Variants in PGM2L1 observed in about 807,000 individuals in gnomAD.
PGM2L1 encodes glucose 1,6-bisphosphate synthase.
In PGM2L1, 35 loss-of-function variants were observed where a neutral mutation model predicts 73.4. The ratio of observed to expected loss-of-function variants is 0.48; its 90% CI spans 0.36 to 0.63. The LOEUF (loss-of-function observed/expected upper bound fraction) is 0.63, where lower values mean the gene tolerates loss of function less well. Among genes scored for constraint, PGM2L1 ranks in the 30% least tolerant of loss-of-function variants. PGM2L1 has a pLI of 0.00. For missense variants in PGM2L1, 570 were observed against 742.0 expected, an observed-to-expected ratio of 0.77 and a Z score of 2.69; for synonymous variants, 225 against 253.8, an observed-to-expected ratio of 0.89 and a Z score of 1.08.
In PGM2L1 at chr11:74,343,389, C is replaced by G. The variant is rs778862582; in HGVS notation, c.1246G>C (p.Gly416Arg). 9.9e-6 allele frequency: 16 copies of G among 1,608,902 alleles called. No homozygotes were observed. Among genetic ancestry groups the G allele is most frequent in the Non-Finnish European group, 1.4e-5 (16 of 1,178,676 alleles). The stretch of plus-strand genomic sequence containing the variant: ...TCCAGGAGGTCTATTATCCTACTTC[C>G]AATCCATTTAAAACCTGGTAATGTT... ...EETLPGFKWI[G>R]SRIIDLLENG... The change falls in exon 10 of 14, where the codon GGA (glycine) becomes CGA (arginine). Residue 416 changes from glycine to arginine, a missense_variant. Transcript: ENST00000298198.
chr11:74,352,355 G>T (rs1862371262), intron 5 of PGM2L1, among the ~76,000 whole-genome samples: 1 of 152,040 alleles, frequency 6.6e-6, no homozygotes, highest in Non-Finnish European at 1.5e-5. Context: ...TTATAAAGTA[G>T]AATTTATATC....
intron 8 of PGM2L1, 121 bp downstream of exon 8, chr11:74,346,611 G>T: frequency 1.4e-6 from 1 of 717,566 alleles, no homozygotes; most frequent in Non-Finnish European, 2.3e-6. Context: ...TTGGGATAAT[G>T]GATTTACAGG....
chr11:74,385,336 T>C (rs887987318), intron 1 of PGM2L1, among the ~76,000 whole-genome samples: 2 of 152,242 alleles, frequency 1.3e-5, no homozygotes, highest in African/African-American at 4.8e-5. Flanking sequence ...TGCTCTATTA[T>C]ATATGGCACA....
intron 5 of PGM2L1, among the ~76,000 whole-genome samples, chr11:74,352,003 A>C (rs2134897912): frequency 6.6e-6 from 1 of 151,838 alleles, no homozygotes; most frequent in East Asian, 1.9e-4. Flanking sequence ...AATAAAGCAT[A>C]TCAAATTGAT....
At position 74,342,572 on chromosome 11, in the gene PGM2L1, A is replaced by G; in HGVS notation, c.1521T>C (p.Leu507=). Residue 507 remains leucine (L), a synonymous_variant, in exon 12 of 14, where the codon CTT becomes CTC. Transcript: ENST00000298198. ...PPTIKSIFER[L]RNFDSPKEYP... is the part of the protein sequence containing the mutation. ...ATTCTTTTGGAGAATCAAAATTACG[A>G]AGCCTTTCAAATATACTTTTGATGG... 6.2e-7 allele frequency: 1 copy of G among 1,607,186 alleles called. No individual in the cohort carries two copies. The highest frequency in any genetic ancestry group is 8.5e-7 in the Non-Finnish European group (1 of 1,175,654).
rs749455842 is a variant in PGM2L1 at position 74,336,644 on chromosome 11, G to C, written c.*8C>G. 5 of 1,578,074 alleles carry C rather than the reference G, an allele frequency of 3.2e-6. No individual in the cohort carries two copies. In the Admixed American group the frequency reaches 6.9e-5, roughly 22 times the overall value. ...GCCCACACAGTGTCATGACATATTGGTGTACCCCTAAACAGAACGCCAGAT... is the reference window on the plus strand; with the variant it reads ...GCCCACACAGTGTCATGACATATTGCTGTACCCCTAAACAGAACGCCAGAT... On this transcript the variant is annotated 3_prime_UTR_variant, in exon 14 of 14. Coordinates refer to ENST00000298198, the MANE Select transcript of PGM2L1 (RefSeq NM_173582.6).
chr11:74,350,775 G>A (rs912644541), intron 6 of PGM2L1, among the ~76,000 whole-genome samples: 2 of 152,190 alleles, frequency 1.3e-5, no homozygotes, highest in Admixed American at 6.5e-5. Context: ...TACTTCGGAG[G>A]CTGAGGCAGG....
At position 74,332,762 on chromosome 11, in the gene PGM2L1, G is replaced by A. The variant is rs946210512; in HGVS notation, c.*3890C>T. ...AAGCAACTTGCTTAAGAAATGGGAG[G>A]TCTATTTCCTATATAAAGACATTCC... On this transcript the variant is annotated 3_prime_UTR_variant, in exon 14 of 14. Coordinates refer to ENST00000298198, the MANE Select transcript of PGM2L1 (RefSeq NM_173582.6). The A allele has an allele frequency of 2.6e-5, 4 of 152,330 alleles. No homozygotes were observed. Among genetic ancestry groups the A allele is most frequent in the African/African-American group, 9.7e-5 (4 of 41,424 alleles). 9.4% of individuals were successfully genotyped at this position (152,330 alleles called of 1,614,324 possible).
intron 1 of PGM2L1, among the ~76,000 whole-genome samples, chr11:74,380,601 G>A (rs1295240665): frequency 6.6e-6 from 1 of 151,794 alleles, no homozygotes; most frequent in Non-Finnish European, 1.5e-5. Context: ...TATCATTTAA[G>A]AATATTAGAT....
chr11:74,362,255 A>T (rs1413055192), intron 5 of PGM2L1, among the ~76,000 whole-genome samples: 1 of 152,204 alleles, frequency 6.6e-6, no homozygotes, highest in Admixed American at 6.5e-5. Context: ...AACATTCTTT[A>T]AAAAAGAATT....
chr11:74,386,922 A>G (rs1863026097), intron 1 of PGM2L1, among the ~76,000 whole-genome samples: 1 of 152,238 alleles, frequency 6.6e-6, no homozygotes, highest in Non-Finnish European at 1.5e-5. Context: ...AGAGGTGGGC[A>G]TGTGAATTTA....
intron 5 of PGM2L1, chr11:74,355,703 A>G: frequency 1.9e-6 from 1 of 514,784 alleles, no homozygotes; most frequent in Non-Finnish European, 3.9e-6. Flanking sequence ...AGCAGTAGCT[A>G]TGGCAGCAGC....
intron 7 of PGM2L1, 142 bp from the exon 8 acceptor site, chr11:74,346,971 A>G: frequency 1.1e-6 from 1 of 944,630 alleles, no homozygotes; most frequent in Non-Finnish European, 1.6e-6. Flanking sequence ...AGCCAAAAGT[A>G]GGGACACCCA....
intron 1 of PGM2L1, among the ~76,000 whole-genome samples, chr11:74,382,420 A>G (rs1862960551): frequency 6.6e-6 from 1 of 152,240 alleles, no homozygotes; most frequent in Admixed American, 6.5e-5. Flanking sequence ...AAGCAAGCCA[A>G]GTGGAAGTCA....
Position 74,338,524 on chromosome 11 carries a change from A to T in PGM2L1, c.1710T>A (p.Ser570Arg). The change falls in exon 13 of 14, where the codon AGT becomes AGA. Residue 570 changes from serine (S) to arginine (R), a missense_variant. Coordinates refer to ENST00000298198, the MANE Select transcript of PGM2L1 (RefSeq NM_173582.6). The part of the protein sequence containing the change: ...QNGCVATLRT[S>R]GTEPKIKYYA... The stretch of plus-strand genomic sequence containing the variant: ...AATACTTTATCTTTGGTTCTGTTCC[A>T]CTTGTCCGAAGGGTAGCAACACAGC... The T allele has an allele frequency of 6.2e-7, 1 of 1,603,820 alleles. No individual in the cohort carries two copies. The highest frequency in any genetic ancestry group is 8.5e-7 in the Non-Finnish European group (1 of 1,172,468).
At chr11:74,359,501 CTATA>C (rs1862518948) in intron 5 of PGM2L1, among the ~76,000 whole-genome samples, 1 of 151,300 alleles carries the variant, frequency 6.6e-6, no homozygotes, top group Non-Finnish European at 1.5e-5. Flanking sequence ...CACATATTGA[CTATA>C]TATACACATG....
chr11:74,383,348 T>TA (rs751151082), intron 1 of PGM2L1, among the ~76,000 whole-genome samples: 7 of 150,870 alleles, frequency 4.6e-5, no homozygotes, highest in South Asian at 2.1e-4. Flanking sequence ...AAAATAAAAC[T>TA]AAAAAAAAAT....
intron 5 of PGM2L1, among the ~76,000 whole-genome samples, chr11:74,357,634 A>C (rs1862479506): frequency 6.6e-6 from 1 of 152,202 alleles, no homozygotes; most frequent in Non-Finnish European, 1.5e-5. Context: ...TTACAAAACT[A>C]AACATACTCT....
Position 74,343,317 on chromosome 11 carries a change from A to G in PGM2L1, c.1312+6T>C, listed in dbSNP as rs1482130565. The G allele has an allele frequency of 1.9e-6, 3 of 1,581,334 alleles. No homozygotes were observed. The highest frequency in any genetic ancestry group is 2.6e-6 in the Non-Finnish European group (3 of 1,172,310). ...AATTTTGAAGATTTTAATATTTACTACATACCAATAGACTCTTCAAATGCA... is the reference window on the plus strand; with the variant it reads ...AATTTTGAAGATTTTAATATTTACTGCATACCAATAGACTCTTCAAATGCA... On this transcript the variant is annotated splice_donor_region_variant and intron_variant, in intron 10 of 13. Transcript: ENST00000298198.
Sources: gnomAD v4.1 joint callset for allele counts (sites outside exome capture counted in the v4.1 genomes callset) on GRCh38, gnomAD v4.1.1 for gene constraint, MANE v1.5 for transcripts, NCBI Gene and HGNC (gene_info 2026-07-23, HGNC 2026-07-21) for gene names.